Variants in SYNE1 observed in about 807,000 individuals in gnomAD.
The protein encoded by SYNE1 is nesprin-1.
In SYNE1, 616 loss-of-function variants were observed where a neutral mutation model predicts 1,111.0. The ratio of observed to expected loss-of-function variants is 0.55; its 90% confidence interval spans 0.52 to 0.59. The LOEUF is 0.59. SYNE1 is among the 20% of genes least tolerant of loss of function. The pLI, the probability that SYNE1 is intolerant of heterozygous loss-of-function variation, is 0.00. For missense variants in SYNE1, 10,006 were observed against 10,417.0 expected (o/e 0.96, Z 1.72); for synonymous variants, 3,855 against 3,825.8 (o/e 1.01, Z -0.28).
At position 152,511,625 on chromosome 6, in the gene SYNE1, T is replaced by C. The variant is rs2099085484; in HGVS notation, c.310-522A>G. The C allele has an allele frequency of 1.9e-6, 3 of 1,601,568 alleles. No homozygotes were observed. In the African/African-American group the frequency reaches 4.0e-5, roughly 21 times the overall value. Reference sequence around the variant, plus strand: ...AAAAACAAAGGGAGAAGATAATAGATATACATAAATCATCTTTCAAAATCA... The same window carrying C: ...AAAAACAAAGGGAGAAGATAATAGACATACATAAATCATCTTTCAAAATCA... On this transcript the variant is annotated intron_variant, in intron 6 of 145. Transcript: ENST00000367255.
chr6:152,606,976 C>CTTTTTTTTTTTT lies in SYNE1; in HGVS notation c.67+21288_67+21289insAAAAAAAAAAAA, dbSNP rs11387272. Among the ~76,000 whole-genome samples the CTTTTTTTTTTTT allele has an allele frequency of 5.0e-4, 55 of 109,130 alleles. 6 individuals carry two copies. The highest frequency in any genetic ancestry group is 1.9e-3 in the African/African-American group (51 of 26,806). The allele number at this position is 109,130 out of a possible 152,430, so 71.6% of individuals were successfully genotyped here. On this transcript the variant is annotated intron_variant, in intron 3 of 145. Coordinates refer to ENST00000367255, the MANE Select transcript of SYNE1 (RefSeq NM_182961.4). ...GCAAAAGGAAAGGCATGCCTCGGTTCTCTTTTTTTTTTTTTTTTTTTTTTT... is the reference window on the plus strand; with the variant it reads ...GCAAAAGGAAAGGCATGCCTCGGTTCTTTTTTTTTTTTTCTTTTTTTTTTTTTTTTTTTTTTT...
intron 70 of SYNE1, among the ~76,000 whole-genome samples, chr6:152,351,471 C>A (rs2096739514): frequency 6.6e-6 from 1 of 152,216 alleles, no homozygotes. Flanking sequence ...ATAATTGCTT[C>A]AAAAATTTGA....
At chr6:152,490,358 A>G (rs1002619058) in intron 11 of SYNE1, among the ~76,000 whole-genome samples, 14 of 152,176 alleles carry the variant, frequency 9.2e-5, no homozygotes, top group African/African-American at 3.4e-4. Flanking sequence ...TCTGAGCCCA[A>G]GTCTGCACGT....
chr6:152,323,092 G>T (rs990169173), intron 82 of SYNE1, among the ~76,000 whole-genome samples: 1 of 152,158 alleles, frequency 6.6e-6, no homozygotes, highest in Non-Finnish European at 1.5e-5. Flanking sequence ...ACATTTTCAA[G>T]GTGGTGTGAA....
chr6:152,167,709 G>A (rs747457748), intron 130 of SYNE1: 1 of 522,496 alleles, frequency 1.9e-6, no homozygotes, highest in South Asian at 1.4e-5. Flanking sequence ...CTACAAAGCT[G>A]TGAACCAGCT....
chr6:152,609,051 G>A (rs1032580684), intron 3 of SYNE1, among the ~76,000 whole-genome samples: 21 of 152,040 alleles, frequency 1.4e-4, no homozygotes, highest in African/African-American at 4.6e-4. Flanking sequence ...CAGAGTGATC[G>A]ACACAGAAGA....
chr6:152,509,483 C>T (rs978854119), intron 8 of SYNE1, among the ~76,000 whole-genome samples: 15 of 152,176 alleles, frequency 9.9e-5, no homozygotes, highest in South Asian at 4.1e-4. Flanking sequence ...TCTCGATCTC[C>T]TGACCTCAGG....
rs1308067693 is a variant in SYNE1 at position 152,637,311 on chromosome 6, C to T, written c.-514G>A. On this transcript the variant is annotated 5_prime_UTR_variant, in exon 1 of 146. Transcript: ENST00000367255. ...GGGGTCGAGGTGGGAAGGAAATGTC[C>T]CTGAGAGCCGGGACGCGCTGCCTCC... 6.6e-6 allele frequency: 1 copy of T among 152,324 alleles called. No homozygotes were observed. Among genetic ancestry groups the T allele is most frequent in the Non-Finnish European group, 1.5e-5 (1 of 68,140 alleles). 9.4% of individuals were successfully genotyped at this position (152,324 alleles called of 1,614,324 possible).
At chr6:152,141,350 G>T (rs373283386) in intron 138 of SYNE1, 21 bp from the exon 139 acceptor site, 3 of 1,613,086 alleles carry the variant, frequency 1.9e-6, no homozygotes, top group African/African-American at 1.3e-5. Context: ...ATAAACAACC[G>T]GCCCCTGTCA....
chr6:152,350,762 T>C lies in SYNE1; in HGVS notation c.11589A>G (p.Gln3863=). Residue 3863 remains glutamine, a synonymous_variant, in exon 71 of 146, where the codon CAA becomes CAG. Coordinates refer to ENST00000367255, the MANE Select transcript of SYNE1 (RefSeq NM_182961.4). The part of the protein sequence containing the change: ...KAQLSKYKSL[Q]QTVLSHEPSV... The stretch of plus-strand genomic sequence containing the variant: ...ATGGTTCATGGGACAGCACCGTTTG[T>C]TGAAGTGACTTGAATTACAAAGAAA... 1 of 1,598,230 alleles carries C rather than the reference T, an allele frequency of 6.3e-7. No individual in the cohort carries two copies. Among genetic ancestry groups the C allele is most frequent in the Non-Finnish European group, 8.5e-7 (1 of 1,174,436 alleles).
chr6:152,322,288 A>C (rs1205615778), intron 82 of SYNE1, among the ~76,000 whole-genome samples: 2 of 152,192 alleles, frequency 1.3e-5, no homozygotes, highest in Non-Finnish European at 2.9e-5. Context: ...AAATGTCATA[A>C]TTAATCACGT....
intron 98 of SYNE1, among the ~76,000 whole-genome samples, chr6:152,273,398 TC>T (rs1260657807): frequency 1.3e-5 from 2 of 152,234 alleles, no homozygotes; most frequent in African/African-American, 4.8e-5. Context: ...TGCATTTAAA[TC>T]CTCACTGTTT....
chr6:152,188,914 T>C (rs1348807135), intron 128 of SYNE1, among the ~76,000 whole-genome samples: 14 of 126,878 alleles, frequency 1.1e-4, no homozygotes, highest in African/African-American at 4.0e-4. Flanking sequence ...GCCGAGATTG[T>C]GCCACTGCAC....
chr6:152,408,582 C>T (rs545983675), intron 44 of SYNE1, among the ~76,000 whole-genome samples: 1 of 152,260 alleles, frequency 6.6e-6, no homozygotes, highest in Admixed American at 6.5e-5. Context: ...AAAGCAGATA[C>T]ATATTTTATT....
chr6:152,319,404 A>C (rs923659894), intron 84 of SYNE1, among the ~76,000 whole-genome samples: 1 of 152,228 alleles, frequency 6.6e-6, no homozygotes, highest in Admixed American at 6.5e-5. Flanking sequence ...AAATCCTCCC[A>C]AACAGTTGGA....
intron 105 of SYNE1, among the ~76,000 whole-genome samples, chr6:152,248,063 T>C (rs1588679923): frequency 6.6e-6 from 1 of 152,312 alleles, no homozygotes; most frequent in East Asian, 1.9e-4. Context: ...CATGCCATCA[T>C]GCCAGTTTGG....
chr6:152,451,714 T>C (rs2098652552), intron 25 of SYNE1, among the ~76,000 whole-genome samples: 2 of 151,984 alleles, frequency 1.3e-5, no homozygotes, highest in African/African-American at 4.8e-5. Context: ...ACTCCTGACC[T>C]AGGTGATCCA....
Position 152,484,942 on chromosome 6 carries a change from T to C in SYNE1, c.1078A>G (p.Met360Val), listed in dbSNP as rs2098931426. 5.0e-6 allele frequency: 8 copies of C among 1,613,106 alleles called. No individual in the cohort carries two copies. Among genetic ancestry groups the C allele is most frequent in the Non-Finnish European group, 6.8e-6 (8 of 1,179,680 alleles). The change falls in exon 13 of 146, where the codon ATG (methionine) becomes GTG (valine). Residue 360 changes from methionine (M) to valine (V), a missense_variant. Met to Val is a conservative substitution (Grantham distance 21). Around this residue, in one of 7 missense-constraint regions of SYNE1, gnomAD observed 1,971 missense variants for 2,084.1 expected, o/e 0.95. Coordinates refer to ENST00000367255, the MANE Select transcript of SYNE1 (RefSeq NM_182961.4). ...SFKHFRVQYE[M>V]KRKQIEHLIQ... ...AAATGTTCAATCTGTTTCCTCTTCA[T>C]TTCATATTGAACTCTGAAGTGCTTA...
At chr6:152,149,716 T>C in intron 135 of SYNE1, 48 bp from the exon 136 acceptor site, 4 of 1,513,984 alleles carry the variant, frequency 2.6e-6, no homozygotes, top group Non-Finnish European at 3.7e-6. Flanking sequence ...GTTGCTTACA[T>C]TGATATAAAA....
Sources: allele counts gnomAD v4.1 joint callset (sites outside exome capture counted in the v4.1 genomes callset), GRCh38; gene constraint gnomAD v4.1.1; regional missense constraint gnomAD v4.1.1; transcripts MANE v1.5; gene names NCBI Gene and HGNC (gene_info 2026-07-23, HGNC 2026-07-21).